TMCO6: variants seen among roughly 807,000 people sequenced by gnomAD.
TMCO6 encodes the protein transmembrane and coiled-coil domain-containing protein 6.
Under a neutral mutation model 61.8 loss-of-function variants are expected in TMCO6, and 47 were observed. That is an observed-to-expected ratio of 0.76 (90% CI 0.60 to 0.97). The LOEUF (loss-of-function observed/expected upper bound fraction) is 0.97, where lower values mean the gene tolerates loss of function less well. TMCO6 is among the 50% of genes least tolerant of loss of function. The pLI is 0.00. For synonymous variants in TMCO6, 261 were observed against 254.2 expected, an observed-to-expected ratio of 1.03 and a Z score of -0.25; for missense variants, 557 against 601.6, an observed-to-expected ratio of 0.93 and a Z score of 0.78.
the TMCO6 span, among the ~76,000 whole-genome samples, chr5:140,626,418 T>G: frequency 2.6e-5 from 4 of 152,158 alleles, no homozygotes; most frequent in Non-Finnish European, 5.9e-5. Flanking sequence ...CTTTATTTTT[T>G]AAGACAGAAT....
rs377678275 is a variant in TMCO6, at chr5:140,642,318, C to G, written c.502C>G (p.Leu168Val). The G allele has an allele frequency of 8.1e-6, 13 of 1,610,090 alleles. No homozygotes were observed. The African/African-American group carries it at 1.2e-4, about 15-fold the overall frequency. Residue 168 changes from leucine to valine, a missense_variant, in exon 5 of 12, where the codon CTG (leucine) becomes GTG (valine). Physicochemically the swap from Leu to Val is conservative, Grantham distance 32. Transcript: ENST00000394671. ...TGCTTTTGTTGCCTGTTCTCAGGAG[C>G]TGTGTCTGTATACACTGGGTAACCT... ...LSSHSSDFIE[L>V]CLYTLGNLIV...
the TMCO6 span, among the ~76,000 whole-genome samples, chr5:140,612,028 TCTTGA>T: frequency 1.3e-5 from 2 of 152,174 alleles, no homozygotes; most frequent in Non-Finnish European, 2.9e-5. Context: ...AGAGCAAAAC[TCTTGA>T]CTTAGTGTAG....
the TMCO6 span, among the ~76,000 whole-genome samples, chr5:140,620,046 G>C: frequency 2.0e-5 from 3 of 152,268 alleles, no homozygotes; most frequent in African/African-American, 7.2e-5. Flanking sequence ...ACATTCCTTG[G>C]TATTTATCAA....
chr5:140,633,514 C>T, the TMCO6 span: 12 of 247,190 alleles, frequency 4.9e-5, no homozygotes, highest in East Asian at 1.8e-4. Context: ...CACTATCCAA[C>T]CCCCCAATCC....
At chr5:140,641,059 A>G (rs1406656749) in intron 2 of TMCO6, 2 of 154,906 alleles carry the variant, frequency 1.3e-5, no homozygotes, top group African/African-American at 4.8e-5. Flanking sequence ...ATGAAAGGAT[A>G]GAGTCCTTTT....
At position 140,639,759 on chromosome 5, in the gene TMCO6, G is replaced by A. The variant is rs780389922; in HGVS notation, c.106G>A (p.Glu36Lys). 1 of 1,601,860 alleles carries A rather than the reference G, an allele frequency of 6.2e-7. No homozygotes were observed. Among genetic ancestry groups the A allele is most frequent in the East Asian group, 2.2e-5 (1 of 44,448 alleles). The change falls in exon 2 of 12, where the codon GAG (glutamate) becomes AAG (lysine). Residue 36 changes from glutamate (E) to lysine (K), a missense_variant. Coordinates refer to ENST00000394671, the MANE Select transcript of TMCO6 (RefSeq NM_018502.5). ...CCCAGCACTGCGGAAGGCGCGGAGG[G>A]AGCAGCAGCTGGTCAGCAAGAGGCT... The part of the protein sequence containing the change: ...REAALRKARR[E>K]QQLVSKRLLR...
chr5:140,632,065 T>C, the TMCO6 span: 1 of 1,614,204 alleles, frequency 6.2e-7, no homozygotes, highest in Non-Finnish European at 8.5e-7. The surrounding 1 kb of genome is among the most constrained non-coding windows in gnomAD (Gnocchi z 6.2). Context: ...TTCAGTCTGT[T>C]GCAGCTGAGA....
the TMCO6 span, among the ~76,000 whole-genome samples, chr5:140,616,283 G>C: frequency 6.6e-6 from 1 of 152,326 alleles, no homozygotes; most frequent in Admixed American, 6.5e-5. Flanking sequence ...CCCAGGCATG[G>C]TGGCTCATGC....
At chr5:140,637,875 C>T (rs1756807371), upstream of TMCO6, among the ~76,000 whole-genome samples, 1 of 151,970 alleles carries the variant, frequency 6.6e-6, no homozygotes, top group Admixed American at 6.6e-5. Context: ...CGAGTTGTCC[C>T]GCCTTTCTGT....
At chr5:140,604,817 T>C in the TMCO6 span, among the ~76,000 whole-genome samples, 1 of 151,732 alleles carries the variant, frequency 6.6e-6, no homozygotes, top group Non-Finnish European at 1.5e-5. Flanking sequence ...TACCCAGTTT[T>C]CTCAGCATTA....
At chr5:140,647,190 G>A, downstream of TMCO6, 1 of 1,486,548 alleles carries the variant, frequency 6.7e-7, no homozygotes, top group Middle Eastern at 1.8e-4. Flanking sequence ...ACCTTGGGCG[G>A]TCCCTTCTCT....
chr5:140,647,278 C>G (rs1285249515), downstream of TMCO6: 1 of 1,563,710 alleles, frequency 6.4e-7, no homozygotes, highest in Non-Finnish European at 8.7e-7. Context: ...AGAGCTTGGG[C>G]TGCACATCGG....
the TMCO6 span, chr5:140,609,481 A>T: frequency 6.8e-5 from 11 of 162,862 alleles, no homozygotes; most frequent in South Asian, 1.5e-4. Context: ...CCTCCCTGGC[A>T]TTGGAAAGGA....
At chr5:140,617,293 G>T in the TMCO6 span, among the ~76,000 whole-genome samples, 2 of 152,096 alleles carry the variant, frequency 1.3e-5, no homozygotes, top group Admixed American at 1.3e-4. Flanking sequence ...TGGGTGTGGT[G>T]GCTTACACCT....
chr5:140,632,636 G>A, the TMCO6 span: 1 of 1,613,838 alleles, frequency 6.2e-7, no homozygotes. The surrounding 1 kb of genome is among the most constrained non-coding windows in gnomAD (Gnocchi z 6.2). Flanking sequence ...CCTTGAGGCG[G>A]GAGTACGCTA....
At chr5:140,640,172 C>CCGTCA (rs1581458086) in intron 2 of TMCO6, among the ~76,000 whole-genome samples, 2 of 152,314 alleles carry the variant, frequency 1.3e-5, no homozygotes, top group African/African-American at 4.8e-5. Context: ...ATGCTTGTCA[C>CCGTCA]CGTCACTACG....
the TMCO6 span, chr5:140,631,767 G>T: frequency 8.1e-7 from 1 of 1,239,348 alleles, no homozygotes; most frequent in Non-Finnish European, 1.1e-6. Context: ...GGGGCAAAGG[G>T]TTGAATTGGT....
the TMCO6 span, among the ~76,000 whole-genome samples, chr5:140,628,011 CT>C: frequency 0.011 from 1,515 of 144,042 alleles, 15 homozygotes; most frequent in African/African-American, 0.033. Context: ...GGTTGACTAT[CT>C]TTTTTTTTTT....
At position 140,643,957 on chromosome 5, in the gene TMCO6, A is replaced by C. The variant is rs1422423429; in HGVS notation, c.1096A>C (p.Asn366His). The change falls in exon 9 of 12, where the codon AAC (asparagine) becomes CAC (histidine). Residue 366 changes from asparagine to histidine, a missense_variant. By Grantham distance (68) the Asn-to-His change is moderately conservative (BLOSUM62 1). Coordinates refer to ENST00000394671, the MANE Select transcript of TMCO6 (RefSeq NM_018502.5). ...CCCTGAGGGCCTTTGGCTCCTCAAC[A>C]ACCTCACTGGTACGCACCATAATCT... The part of the protein sequence containing the change: ...LLPEGLWLLN[N>H]LTANSPSFCT... The C allele has an allele frequency of 5.6e-6, 9 of 1,614,134 alleles. No homozygotes were observed. Among genetic ancestry groups the C allele is most frequent in the Middle Eastern group, 1.6e-4 (1 of 6,062 alleles).
Sources: gnomAD v4.1 joint callset for allele counts (sites outside exome capture counted in the v4.1 genomes callset) on GRCh38, gnomAD v4.1.1 for gene constraint, Gnocchi (gnomAD v3.1) non-coding constraint, MANE v1.5 for transcripts, NCBI Gene and HGNC (gene_info 2026-07-23, HGNC 2026-07-21) for gene names.